Variants in INTS4 observed in about 807,000 individuals in gnomAD.
INTS4 encodes integrator complex subunit 4.
INTS4 carries 70 observed loss-of-function variants against 119.5 expected under a neutral mutation model. That is an observed-to-expected ratio of 0.59 (90% CI 0.48 to 0.71). The LOEUF (loss-of-function observed/expected upper bound fraction) is 0.71, where lower values mean the gene tolerates loss of function less well. INTS4 is among the 30% of genes least tolerant of loss of function. The probability of loss-of-function intolerance (pLI) is 0.00; values close to 1 mark genes in which losing one functional copy is unlikely to be tolerated. For synonymous variants in INTS4, 316 were observed against 419.6 expected (o/e 0.75, Z 3.02); for missense variants, 867 against 1,173.2 (o/e 0.74, Z 3.81).
chr11:77,982,680 A>G (rs1283518101), intron 2 of INTS4, among the ~76,000 whole-genome samples: 1 of 152,234 alleles, frequency 6.6e-6, no homozygotes, highest in East Asian at 1.9e-4. Flanking sequence ...TCTCAAGAAT[A>G]TAGCACAATA....
chr11:77,907,814 T>C lies in INTS4; in HGVS notation c.1923-4A>G, dbSNP rs956956540. On this transcript the variant is annotated splice_polypyrimidine_tract_variant and splice_region_variant and intron_variant, in intron 15 of 22. Transcript: ENST00000534064. ...TTCTCCAAGTCTTTGCAGATCCCTA[T>C]AGTAAATAAAACCCCCAAGGCAAAC... 5 of 1,599,640 alleles carry C rather than the reference T, an allele frequency of 3.1e-6. No homozygotes were observed. The highest frequency in any genetic ancestry group is 4.3e-6 in the Non-Finnish European group (5 of 1,168,248).
chr11:77,920,230 T>TATATATACAC lies in INTS4; in HGVS notation c.1764+1109_1764+1110insGTGTATATAT, dbSNP rs1157839967. Reference sequence around the variant, plus strand: ...ACACACATATATATACACATATACATACATATATACATATATATACATATA... The same window carrying TATATATACAC: ...ACACACATATATATACACATATACATATATATACACACATATATACATATATATACATATA... On this transcript the variant is annotated intron_variant, in intron 14 of 22. Transcript: ENST00000534064. 4.5e-3 allele frequency among the ~76,000 whole-genome samples: 168 copies of TATATATACAC among 37,654 alleles called. 1 individual carries two copies. The highest frequency in any genetic ancestry group is 6.6e-3 in the African/African-American group (78 of 11,786). 24.7% of individuals were successfully genotyped at this position (37,654 alleles called of 152,430 possible).
chr11:77,967,545 T>A (rs1855555116), intron 4 of INTS4, among the ~76,000 whole-genome samples: 2 of 152,160 alleles, frequency 1.3e-5, no homozygotes, highest in African/African-American at 4.8e-5. Flanking sequence ...AATTCTATTT[T>A]TAATTTTGGG....
intron 18 of INTS4, among the ~76,000 whole-genome samples, chr11:77,899,443 G>A (rs1591029858): frequency 2.0e-5 from 3 of 152,074 alleles, no homozygotes; most frequent in South Asian, 2.1e-4. Flanking sequence ...AGGCCGAGTC[G>A]GGTGGATCAC....
At chr11:77,901,862 C>T (rs945294947) in intron 17 of INTS4, among the ~76,000 whole-genome samples, 1 of 151,764 alleles carries the variant, frequency 6.6e-6, no homozygotes, top group Non-Finnish European at 1.5e-5. Context: ...ATGAAGCCCA[C>T]TCTGCTGTGG....
chr11:77,984,505 A>G (rs1856377307), intron 2 of INTS4, among the ~76,000 whole-genome samples: 1 of 151,478 alleles, frequency 6.6e-6, no homozygotes, highest in South Asian at 2.1e-4. Context: ...AAAAATGAAA[A>G]AAAAAAAAAG....
intron 15 of INTS4, among the ~76,000 whole-genome samples, chr11:77,914,183 C>A (rs1023321106): frequency 1.7e-4 from 26 of 152,230 alleles, no homozygotes; most frequent in African/African-American, 5.5e-4. Flanking sequence ...AATACACACT[C>A]AAGCTAGAAA....
chr11:77,889,385 G>A lies in INTS4; in HGVS notation c.2592+1934C>T, dbSNP rs560808365. On this transcript the variant is annotated intron_variant, in intron 21 of 22. Coordinates refer to ENST00000534064, the MANE Select transcript of INTS4 (RefSeq NM_033547.4). Reference sequence around the variant, plus strand: ...CACAGGAAGGGGAACATCACACCCCGGGGACTGTTGTGGGGTAGGGGGAGG... The same window carrying A: ...CACAGGAAGGGGAACATCACACCCCAGGGACTGTTGTGGGGTAGGGGGAGG... Among the ~76,000 whole-genome samples the A allele has an allele frequency of 2.5e-4, 37 of 149,726 alleles. 1 individual carries two copies. Among genetic ancestry groups the A allele is most frequent in the South Asian group, 1.5e-3 (7 of 4,566 alleles).
intron 8 of INTS4, among the ~76,000 whole-genome samples, chr11:77,941,458 C>CTTTTTTTTTTTT (rs35544689): frequency 7.2e-6 from 1 of 138,456 alleles, no homozygotes; most frequent in Non-Finnish European, 1.5e-5. Context: ...ACCTACTGTG[C>CTTTTTTTTTTTT]TTTTTTTTTT....
intron 18 of INTS4, among the ~76,000 whole-genome samples, chr11:77,897,583 C>T (rs1952582229): frequency 1.3e-5 from 2 of 151,154 alleles, no homozygotes; most frequent in African/African-American, 4.9e-5. Flanking sequence ...TCACTGCAAG[C>T]TCCACCTCCT....
downstream of INTS4, among the ~76,000 whole-genome samples, chr11:77,877,871 C>T (rs550031979): frequency 6.6e-6 from 1 of 152,204 alleles, no homozygotes; most frequent in African/African-American, 2.4e-5. Flanking sequence ...AGGCATGAGC[C>T]ACAGCCCCCA....
intron 2 of INTS4, among the ~76,000 whole-genome samples, chr11:77,986,851 G>T (rs947736537): frequency 8.7e-4 from 132 of 151,880 alleles, no homozygotes; most frequent in Non-Finnish European, 1.6e-3. Context: ...GTGGGGGGCT[G>T]GGGGAGGGAT....
downstream of INTS4, chr11:77,876,833 T>C (rs534825639): frequency 2.7e-4 from 164 of 598,418 alleles, no homozygotes; most frequent in African/African-American, 2.8e-3. Flanking sequence ...TTGGAGGATT[T>C]TTATAAAAGG....
intron 2 of INTS4, among the ~76,000 whole-genome samples, chr11:77,990,167 C>G (rs1395149210): frequency 7.0e-6 from 1 of 142,640 alleles, no homozygotes; most frequent in African/African-American, 2.7e-5. Context: ...TGCAGTGAGC[C>G]AAGATTGTGC....
Position 77,913,373 on chromosome 11 carries a change from G to A in INTS4, c.1922+5448C>T, listed in dbSNP as rs187284080. 3.1e-3 allele frequency among the ~76,000 whole-genome samples: 450 copies of A among 144,410 alleles called. 1 individual carries two copies. Among genetic ancestry groups the A allele is most frequent in the African/African-American group, 0.011 (407 of 38,636 alleles). 94.7% of individuals were successfully genotyped at this position (144,410 alleles called of 152,430 possible). A position where few individuals can be genotyped will look rare whatever the true frequency, so the allele number is the denominator to read the frequency against. ...GTCGCCCAGGCTGGAGTGCAGTGGC[G>A]TGATCTCTGCTCAGCACAAGTTCTG... On this transcript the variant is annotated intron_variant, in intron 15 of 22. Transcript: ENST00000534064.
At chr11:77,926,375 C>G (rs1425133953) in intron 11 of INTS4, among the ~76,000 whole-genome samples, 1 of 152,152 alleles carries the variant, frequency 6.6e-6, no homozygotes, top group East Asian at 1.9e-4. Flanking sequence ...GAGTTATATA[C>G]ATAAGTACTC....
chr11:77,969,948 T>C (rs1396026695), intron 4 of INTS4, among the ~76,000 whole-genome samples: 1 of 152,212 alleles, frequency 6.6e-6, no homozygotes, highest in Non-Finnish European at 1.5e-5. Context: ...TCACTTAGCA[T>C]AATGTTTTCA....
intron 2 of INTS4, among the ~76,000 whole-genome samples, chr11:77,986,472 C>T (rs1056044031): frequency 1.3e-5 from 2 of 152,142 alleles, no homozygotes; most frequent in Non-Finnish European, 2.9e-5. Flanking sequence ...TTTGACCCAG[C>T]AATCCCATTA....
intron 22 of INTS4, among the ~76,000 whole-genome samples, chr11:77,879,491 A>G (rs1351868518): frequency 6.6e-6 from 1 of 152,306 alleles, no homozygotes; most frequent in African/African-American, 2.4e-5. Context: ...TCTGATACCC[A>G]GTTGGGCTCT....
Sources: gnomAD v4.1 joint callset for allele counts (sites outside exome capture counted in the v4.1 genomes callset) on GRCh38, gnomAD v4.1.1 for gene constraint, MANE v1.5 for transcripts, NCBI Gene and HGNC (gene_info 2026-07-23, HGNC 2026-07-21) for gene names.